Variants in MTSS1 observed in about 807,000 individuals in gnomAD.
MTSS1 encodes the protein MTSS I-BAR domain containing 1.
Under a neutral mutation model 79.0 loss-of-function variants are expected in MTSS1, and 18 were observed. The observed-to-expected ratio is 0.23, with a 90% CI of 0.16 to 0.34. The LOEUF is 0.34. Among genes scored for constraint, MTSS1 ranks in the 10% least tolerant of loss-of-function variants. MTSS1 has a pLI of 1.00. For synonymous variants in MTSS1, 341 were observed against 368.6 expected, an observed-to-expected ratio of 0.93 and a Z score of 0.86; for missense variants, 815 against 986.2, an observed-to-expected ratio of 0.83 and a Z score of 2.33.
chr8:124,615,878 G>C (rs1836745440), intron 3 of MTSS1, among the ~76,000 whole-genome samples: 1 of 152,144 alleles, frequency 6.6e-6, no homozygotes, highest in South Asian at 2.1e-4. Flanking sequence ...AGCCGTTCAG[G>C]ATCACAGGAG....
intron 3 of MTSS1, among the ~76,000 whole-genome samples, chr8:124,623,600 T>C (rs1031186275): frequency 1.3e-5 from 2 of 152,188 alleles, no homozygotes; most frequent in Non-Finnish European, 2.9e-5. Context: ...AAAGAGCACC[T>C]GAAACACTGA....
intron 6 of MTSS1, among the ~76,000 whole-genome samples, chr8:124,575,161 C>T (rs929320285): frequency 6.6e-6 from 1 of 152,166 alleles, no homozygotes; most frequent in Non-Finnish European, 1.5e-5. Context: ...CAAAAGGAGG[C>T]TATCCTCATT....
chr8:124,674,297 A>G (rs1265766440), intron 3 of MTSS1, among the ~76,000 whole-genome samples: 1 of 152,022 alleles, frequency 6.6e-6, no homozygotes, highest in Non-Finnish European at 1.5e-5. Context: ...AAAATGATTA[A>G]TTTTCTCTTA....
chr8:124,624,699 G>A (rs1022744711), intron 3 of MTSS1, among the ~76,000 whole-genome samples: 3 of 152,190 alleles, frequency 2.0e-5, no homozygotes, highest in South Asian at 2.1e-4. Flanking sequence ...TGCCAGCCAC[G>A]TTGATGGCGC....
intron 3 of MTSS1, among the ~76,000 whole-genome samples, chr8:124,668,487 ACTC>A (rs1249209092): frequency 1.3e-5 from 2 of 151,664 alleles, no homozygotes; most frequent in Non-Finnish European, 2.9e-5. Flanking sequence ...CCACAGGTGA[ACTC>A]CTCCCTCCCT....
At position 124,716,744 on chromosome 8, in the gene MTSS1, C is replaced by G. The variant is rs372234389; in HGVS notation, c.72+11140G>C. 3.9e-5 allele frequency among the ~76,000 whole-genome samples: 6 copies of G among 152,106 alleles called. No individual in the cohort carries two copies. The East Asian group carries it at 1.2e-3, about 29-fold the overall frequency. ...ATAAGATGCCACATGTCCCTTTGCG[C>G]CCTTGGAAGCAGGGGTGCCAGCTAG... is the stretch of plus-strand genomic sequence containing the variant. On this transcript the variant is annotated intron_variant, in intron 1 of 13. Transcript: ENST00000518547.
At chr8:124,684,573 A>G (rs1215730978) in intron 3 of MTSS1, among the ~76,000 whole-genome samples, 1 of 152,236 alleles carries the variant, frequency 6.6e-6, no homozygotes, top group African/African-American at 2.4e-5. Context: ...CTTCAACATC[A>G]TAAGAAAAGG....
chr8:124,568,615 T>A (rs1827049762), intron 6 of MTSS1, 79 bp from the exon 7 acceptor site: 1 of 1,595,474 alleles, frequency 6.3e-7, no homozygotes, highest in African/African-American at 1.3e-5. Context: ...CTGGGGTCCT[T>A]GCTGGAGTCA....
At chr8:124,653,449 C>A (rs927194779) in intron 3 of MTSS1, among the ~76,000 whole-genome samples, 2 of 152,248 alleles carry the variant, frequency 1.3e-5, no homozygotes, top group Non-Finnish European at 2.9e-5. Flanking sequence ...ACAAGCCGGG[C>A]ATGGTGGCTC....
At chr8:124,574,388 T>C (rs1470127953) in intron 6 of MTSS1, among the ~76,000 whole-genome samples, 1 of 152,220 alleles carries the variant, frequency 6.6e-6, no homozygotes, top group Admixed American at 6.5e-5. Flanking sequence ...AATATCCGTT[T>C]TGATAGATGG....
chr8:124,724,443 G>A (rs1237780530), intron 1 of MTSS1, among the ~76,000 whole-genome samples: 1 of 152,296 alleles, frequency 6.6e-6, no homozygotes, highest in East Asian at 1.9e-4. Flanking sequence ...GGAACCAGGT[G>A]TGGTTGGGGT....
intron 1 of MTSS1, among the ~76,000 whole-genome samples, chr8:124,708,484 T>C (rs1830701067): frequency 6.6e-6 from 1 of 152,148 alleles, no homozygotes; most frequent in African/African-American, 2.4e-5. Context: ...CATCTCCCTA[T>C]TAGTAAACCA....
intron 6 of MTSS1, among the ~76,000 whole-genome samples, chr8:124,570,754 G>C (rs1827595258): frequency 6.6e-6 from 1 of 152,162 alleles, no homozygotes; most frequent in East Asian, 1.9e-4. Context: ...TCAGGCTGGA[G>C]TGCAGTGGAA....
intron 3 of MTSS1, among the ~76,000 whole-genome samples, chr8:124,616,742 C>T (rs1239888385): frequency 6.6e-6 from 1 of 152,198 alleles, no homozygotes; most frequent in Non-Finnish European, 1.5e-5. Context: ...AGGGACAGAA[C>T]TAAGCCCTTC....
intron 3 of MTSS1, among the ~76,000 whole-genome samples, chr8:124,670,843 C>T (rs752523692): frequency 2.6e-5 from 4 of 152,152 alleles, no homozygotes; most frequent in Non-Finnish European, 5.9e-5. Context: ...TAGCATTCTC[C>T]TCCCTCTGAG....
At chr8:124,706,447 A>G (rs1830397779) in intron 1 of MTSS1, among the ~76,000 whole-genome samples, 1 of 152,242 alleles carries the variant, frequency 6.6e-6, no homozygotes, top group African/African-American at 2.4e-5. Context: ...TTTACAATCC[A>G]CCCGAACTCT....
intron 1 of MTSS1, 46 bp from the exon 2 acceptor site, chr8:124,704,237 C>A: frequency 6.6e-7 from 1 of 1,507,356 alleles, no homozygotes; most frequent in Non-Finnish European, 9.2e-7. Context: ...CGATAGACAT[C>A]TGATTACTAC....
rs887921232 is a variant in MTSS1, at chr8:124,562,874, A to G, written c.943T>C (p.Ser315Pro). The G allele has an allele frequency of 6.8e-6, 11 of 1,614,118 alleles. No homozygotes were observed. Among genetic ancestry groups the G allele is most frequent in the Non-Finnish European group, 9.3e-6 (11 of 1,180,002 alleles). Residue 315 changes from serine (S) to proline (P), a missense_variant, in exon 10 of 14, where the codon TCC (serine) becomes CCC (proline). Coordinates refer to ENST00000518547, the MANE Select transcript of MTSS1 (RefSeq NM_014751.6). ...CCTGAGTCATGGGAGGACACGCTGG[A>G]CAGCCTCACAGGAGCCTGCTGGGCC... ...NLAQQAPVRL[S>P]SVSSHDSGFI...
chr8:124,595,071 A>G (rs1832523405), intron 3 of MTSS1, among the ~76,000 whole-genome samples: 1 of 152,142 alleles, frequency 6.6e-6, no homozygotes. Context: ...AGGAACGGAC[A>G]TTTACCATTT....
Sources: allele counts gnomAD v4.1 joint callset (sites outside exome capture counted in the v4.1 genomes callset), GRCh38; gene constraint gnomAD v4.1.1; transcripts MANE v1.5; gene names NCBI Gene and HGNC (gene_info 2026-07-23, HGNC 2026-07-21).